Variants in DMRT3 observed in about 807,000 individuals in gnomAD.
DMRT3 encodes doublesex and mab-3 related transcription factor 3, also known as doublesex- and mab-3-related transcription factor 3.
A neutral mutation model predicts 34.9 loss-of-function variants in DMRT3; 29 were observed. That is an observed-to-expected ratio of 0.83 (90% CI 0.62 to 1.13). DMRT3 has a LOEUF of 1.13. Ranked by LOEUF, DMRT3 falls within the 50% of genes most tolerant of loss-of-function variation. The probability of loss-of-function intolerance (pLI) is 0.00; values close to 1 mark genes in which losing one functional copy is unlikely to be tolerated. For missense variants in DMRT3, 772 were observed against 629.1 expected (o/e 1.23, Z -2.43); for synonymous variants, 350 against 286.0 (o/e 1.22, Z -2.26).
chr9:982,427 C>G (rs111279143), intron 1 of DMRT3, among the ~76,000 whole-genome samples: 3 of 152,224 alleles, frequency 2.0e-5, no homozygotes, highest in African/African-American at 7.2e-5. Context: ...GCCGTGCTCT[C>G]GACTTACACA....
intron 1 of DMRT3, among the ~76,000 whole-genome samples, chr9:986,861 A>G (rs1010941707): frequency 1.4e-5 from 2 of 146,850 alleles, no homozygotes; most frequent in Non-Finnish European, 1.5e-5. Context: ...ACTGCACTCC[A>G]GCCTGGGTGA....
chr9:979,305 C>T (rs568241042), intron 1 of DMRT3, among the ~76,000 whole-genome samples: 1 of 152,286 alleles, frequency 6.6e-6, no homozygotes, highest in Middle Eastern at 3.4e-3. Context: ...CAGCAGGATA[C>T]GTGCTTTGGG....
At chr9:980,407 C>T (rs1273175988) in intron 1 of DMRT3, among the ~76,000 whole-genome samples, 1 of 151,826 alleles carries the variant, frequency 6.6e-6, no homozygotes, top group East Asian at 1.9e-4. Context: ...ATGAAGTATT[C>T]TTTTTTCTTT....
At chr9:983,402 C>T (rs1270805893) in intron 1 of DMRT3, among the ~76,000 whole-genome samples, 2 of 152,178 alleles carry the variant, frequency 1.3e-5, no homozygotes, top group African/African-American at 4.8e-5. Context: ...CCTGTGAAGA[C>T]ACCATGGTCT....
At position 990,848 on chromosome 9, in the gene DMRT3, G is replaced by C; in HGVS notation, c.1262G>C (p.Ser421Thr). The C allele has an allele frequency of 6.2e-7, 1 of 1,614,106 alleles. No individual in the cohort carries two copies. Among genetic ancestry groups the C allele is most frequent in the African/African-American group, 1.3e-5 (1 of 75,044 alleles). Reference sequence around the variant, plus strand: ...AGTAACTCTACCAGCGTCTTCAGAAGCTCGCCCGTCCTTCCTGCCCGCGCC... The same window carrying C: ...AGTAACTCTACCAGCGTCTTCAGAACCTCGCCCGTCCTTCCTGCCCGCGCC... ...FPSNSTSVFR[S>T]SPVLPARATE... The change falls in exon 2 of 2, where the codon AGC (serine) becomes ACC (threonine). Residue 421 changes from serine (S) to threonine (T), a missense_variant. Coordinates refer to ENST00000190165, the MANE Select transcript of DMRT3 (RefSeq NM_021240.4).
In DMRT3 at chr9:981,126, TA is replaced by T. The variant is rs759079487; in HGVS notation, c.454+3672del. ...GGGGGCGGAGCAAACAAGATAACTA[TA>T]GGGGGAGAAGTTAGGAGATTTTGGA... On this transcript the variant is annotated intron_variant, in intron 1 of 1. Transcript: ENST00000190165. Among the ~76,000 whole-genome samples the T allele has an allele frequency of 3.9e-5, 6 of 152,222 alleles. No homozygotes were observed. In the East Asian group the frequency reaches 7.7e-4, roughly 20 times the overall value.
chr9:989,944 G>A (rs1820331729), intron 1 of DMRT3, 97 bp from the exon 2 acceptor site: 2 of 1,485,368 alleles, frequency 1.3e-6, no homozygotes, highest in African/African-American at 1.4e-5. Flanking sequence ...AGATGCATTT[G>A]CTCTTCCAAA....
At chr9:986,282 T>C (rs1450593994) in intron 1 of DMRT3, among the ~76,000 whole-genome samples, 1 of 152,164 alleles carries the variant, frequency 6.6e-6, no homozygotes, top group African/African-American at 2.4e-5. Flanking sequence ...AGACTTGTAA[T>C]CCTGGTATCA....
intron 1 of DMRT3, among the ~76,000 whole-genome samples, chr9:982,531 A>G (rs1251175986): frequency 5.9e-5 from 9 of 152,246 alleles, no homozygotes; most frequent in Admixed American, 2.6e-4. Context: ...TGATAGCAAT[A>G]ACTTTCGGAG....
rs1031073782 is a variant in DMRT3 at position 991,165 on chromosome 9, C to A, written c.*160C>A. On this transcript the variant is annotated 3_prime_UTR_variant, in exon 2 of 2. Transcript: ENST00000190165. ...AGCAATAAAAACATAACTTATTTAA[C>A]TTCTTGCACTTCACTGGAAAATGCC... is the stretch of plus-strand genomic sequence containing the variant. 1.6e-4 allele frequency: 153 copies of A among 957,266 alleles called. 1 individual carries two copies. Among genetic ancestry groups the A allele is most frequent in the Middle Eastern group, 6.9e-4 (2 of 2,906 alleles). 59.3% of individuals were successfully genotyped at this position (957,266 alleles called of 1,614,324 possible). A position where few individuals can be genotyped will look rare whatever the true frequency, so the allele number is the denominator to read the frequency against.
At position 977,005 on chromosome 9, in the gene DMRT3, A is replaced by G. The variant is rs1017213383; in HGVS notation, c.4A>G (p.Asn2Asp). The G allele has an allele frequency of 2.0e-6, 3 of 1,497,928 alleles. No individual in the cohort carries two copies. The highest frequency in any genetic ancestry group is 2.7e-6 in the Non-Finnish European group (3 of 1,123,014). The allele number at this position is 1,497,928 out of a possible 1,614,324, so 92.8% of individuals were successfully genotyped here. A position where few individuals can be genotyped will look rare whatever the true frequency, so the allele number is the denominator to read the frequency against. M[N>D]GYGSPYLYMG... The stretch of plus-strand genomic sequence containing the variant: ...AACTCATTCGGGAGCCCGGGGCATG[A>G]ACGGCTACGGCTCCCCCTACCTGTA... Residue 2 changes from asparagine to aspartate, a missense_variant, in exon 1 of 2, where the codon AAC becomes GAC. Asn to Asp is a conservative substitution (Grantham distance 23, BLOSUM62 1). Transcript: ENST00000190165.
intron 1 of DMRT3, among the ~76,000 whole-genome samples, chr9:978,923 GA>G (rs2130054719): frequency 6.6e-6 from 1 of 152,300 alleles, no homozygotes; most frequent in Admixed American, 6.5e-5. Context: ...GGAGGGAGGA[GA>G]AAAAGGTTTT....
intron 1 of DMRT3, among the ~76,000 whole-genome samples, chr9:981,712 C>A (rs1240205084): frequency 6.6e-6 from 1 of 152,142 alleles, no homozygotes; most frequent in Non-Finnish European, 1.5e-5. Flanking sequence ...ACAGCGGGTT[C>A]AAAGTAGGGG....
chr9:988,195 A>G (rs1381037064), intron 1 of DMRT3, among the ~76,000 whole-genome samples: 1 of 152,236 alleles, frequency 6.6e-6, no homozygotes, highest in Non-Finnish European at 1.5e-5. Context: ...TATAAAGTGA[A>G]GATGGCTTCA....
At chr9:988,003 C>G (rs1220289775) in intron 1 of DMRT3, among the ~76,000 whole-genome samples, 1 of 152,144 alleles carries the variant, frequency 6.6e-6, no homozygotes, top group Admixed American at 6.5e-5. Context: ...TAAAGTAAAT[C>G]TATAGAAGCC....
chr9:985,564 T>G (rs1284869062), intron 1 of DMRT3, among the ~76,000 whole-genome samples: 3 of 152,218 alleles, frequency 2.0e-5, no homozygotes, highest in African/African-American at 7.2e-5. Context: ...AAACTCACCC[T>G]CTATAATTAC....
chr9:990,679 C>T lies in DMRT3; in HGVS notation c.1093C>T (p.Pro365Ser), dbSNP rs767318707. Reference sequence around the variant, plus strand: ...GCCTCTGCAGCCCCCTTTCCCCCAGCCACCCCGGTACCCGCTGATGCTGAG... The same window carrying T: ...GCCTCTGCAGCCCCCTTTCCCCCAGTCACCCCGGTACCCGCTGATGCTGAG... ...AGPLQPPFPQ[P>S]PRYPLMLRNT... Residue 365 changes from proline (P) to serine (S), a missense_variant, in exon 2 of 2, where the codon CCA becomes TCA. By Grantham distance (74) the Pro-to-Ser change is moderately conservative. Transcript: ENST00000190165. 55 of 1,613,984 alleles carry T rather than the reference C, an allele frequency of 3.4e-5. No homozygotes were observed. Among genetic ancestry groups the T allele is most frequent in the Non-Finnish European group, 4.6e-5 (54 of 1,180,022 alleles).
intron 1 of DMRT3, among the ~76,000 whole-genome samples, chr9:985,831 G>A (rs1820276476): frequency 6.6e-6 from 1 of 152,210 alleles, no homozygotes; most frequent in African/African-American, 2.4e-5. Flanking sequence ...GCAGGACCTT[G>A]TGTGCGGCTC....
Position 990,207 on chromosome 9 carries a change from C to T in DMRT3, c.621C>T (p.Val207=), listed in dbSNP as rs2130076297. 3 of 1,613,944 alleles carry T rather than the reference C, an allele frequency of 1.9e-6. No individual in the cohort carries two copies. Among genetic ancestry groups the T allele is most frequent in the East Asian group, 2.2e-5 (1 of 44,846 alleles). Residue 207 remains valine (V), a synonymous_variant, in exon 2 of 2, where the codon GTC becomes GTT. Transcript: ENST00000190165. ...IVSVEEGGYA[V]QKNGGNPESR... is the part of the protein sequence containing the mutation. ...CCGTGGAGGAAGGGGGATACGCTGT[C>T]CAGAAAAACGGAGGCAACCCCGAGA...
Sources: gnomAD v4.1 joint callset for allele counts (sites outside exome capture counted in the v4.1 genomes callset) on GRCh38, gnomAD v4.1.1 for gene constraint, MANE v1.5 for transcripts, NCBI Gene and HGNC (gene_info 2026-07-23, HGNC 2026-07-21) for gene names.